FRMD5: variants seen among roughly 807,000 people sequenced by gnomAD.
The protein encoded by FRMD5 is FERM domain-containing protein 5.
FRMD5 carries 20 observed loss-of-function variants against 69.0 expected under a neutral mutation model. That is an observed-to-expected ratio of 0.29 (90% CI 0.20 to 0.42). FRMD5 has a LOEUF of 0.42. Ranked by LOEUF, FRMD5 falls within the 10% of genes least tolerant of loss-of-function variation. The pLI, the probability that FRMD5 is intolerant of heterozygous loss-of-function variation, is 1.00. For synonymous variants in FRMD5, 271 were observed against 260.1 expected, an observed-to-expected ratio of 1.04 and a Z score of -0.40; for missense variants, 595 against 708.6, an observed-to-expected ratio of 0.84 and a Z score of 1.82.
In FRMD5 at chr15:44,056,296, G is replaced by GA. The variant is rs1162412525; in HGVS notation, c.103-131988dup. 2.0e-5 allele frequency among the ~76,000 whole-genome samples: 3 copies of GA among 152,034 alleles called. No homozygotes were observed. In the East Asian group the frequency reaches 5.8e-4, roughly 29 times the overall value. ...ACTAGCATACAAACAAACCAGGATA[G>GA]AAAAAATCTGAAGTAATATTTAAAT... On this transcript the variant is annotated intron_variant, in intron 1 of 13. Coordinates refer to ENST00000417257, the MANE Select transcript of FRMD5 (RefSeq NM_032892.5).
chr15:44,067,963 A>G (rs1183584498), intron 1 of FRMD5, among the ~76,000 whole-genome samples: 2 of 152,262 alleles, frequency 1.3e-5, no homozygotes, highest in Non-Finnish European at 2.9e-5. Flanking sequence ...CAAATGGCCA[A>G]TAAGCACATG....
chr15:44,122,595 A>G lies in FRMD5; in HGVS notation c.102+72358T>C, dbSNP rs993276416. On this transcript the variant is annotated intron_variant, in intron 1 of 13. Transcript: ENST00000417257. ...AACAAAACAAAACAAAACAAAAACA[A>G]AAGATAATGGCTGGGCATGGTGCTC... is the stretch of plus-strand genomic sequence containing the variant. Among the ~76,000 whole-genome samples, 13 of 151,998 alleles carry G rather than the reference A, an allele frequency of 8.6e-5. No individual in the cohort carries two copies. The South Asian group carries it at 2.7e-3, about 32-fold the overall frequency.
Position 43,884,721 on chromosome 15 carries a change from G to A in FRMD5, c.1028+6C>T, listed in dbSNP as rs992324334. ...ACTGTTTGGGGGGAAGCCCCTGGCA[G>A]CCTACCTGTGTATTTCCGGTGGCTC... On this transcript the variant is annotated splice_donor_region_variant and intron_variant, in intron 12 of 13. Coordinates refer to ENST00000417257, the MANE Select transcript of FRMD5 (RefSeq NM_032892.5). The A allele has an allele frequency of 1.2e-6, 2 of 1,613,392 alleles. No homozygotes were observed. Among genetic ancestry groups the A allele is most frequent in the East Asian group, 2.2e-5 (1 of 44,882 alleles).
rs546630568 is a variant in FRMD5 at position 43,876,618 on chromosome 15, G to T, written c.1136-2156C>A. On this transcript the variant is annotated intron_variant, in intron 13 of 13. Coordinates refer to ENST00000417257, the MANE Select transcript of FRMD5 (RefSeq NM_032892.5). Reference sequence around the variant, plus strand: ...TATCCTTGTAAAAACCCAGCATACAGCATCTTGAGCTTATAAGGTCAATAT... The same window carrying T: ...TATCCTTGTAAAAACCCAGCATACATCATCTTGAGCTTATAAGGTCAATAT... 1.3e-4 allele frequency among the ~76,000 whole-genome samples: 20 copies of T among 152,326 alleles called. No homozygotes were observed. The South Asian group carries it at 4.1e-3, about 32-fold the overall frequency.
chr15:44,181,031 A>G (rs2077991222), intron 1 of FRMD5, among the ~76,000 whole-genome samples: 1 of 152,046 alleles, frequency 6.6e-6, no homozygotes, highest in Non-Finnish European at 1.5e-5. Flanking sequence ...GGTTAGAAAA[A>G]CTAATTTAAT....
chr15:43,877,081 T>C (rs933992396), intron 13 of FRMD5, among the ~76,000 whole-genome samples: 10 of 152,170 alleles, frequency 6.6e-5, no homozygotes, highest in African/African-American at 2.4e-4. Flanking sequence ...CCCATCACAG[T>C]GCTCCCAAGG....
intron 1 of FRMD5, among the ~76,000 whole-genome samples, chr15:44,162,970 C>A (rs1354061036): frequency 6.6e-6 from 1 of 151,010 alleles, no homozygotes; most frequent in African/African-American, 2.4e-5. Flanking sequence ...ATCAGGAGAT[C>A]GAGACCATCC....
At chr15:44,188,580 C>T (rs142726930) in intron 1 of FRMD5, among the ~76,000 whole-genome samples, 29 of 152,240 alleles carry the variant, frequency 1.9e-4, no homozygotes, top group African/African-American at 7.0e-4. Flanking sequence ...CAAGAATTTG[C>T]ATTTCTAACA....
At chr15:44,174,987 G>A (rs1341499762) in intron 1 of FRMD5, among the ~76,000 whole-genome samples, 2 of 152,122 alleles carry the variant, frequency 1.3e-5, no homozygotes, top group Non-Finnish European at 2.9e-5. Context: ...CAGGTTGATA[G>A]GTGCAGCAAA....
At chr15:44,099,843 A>T (rs1429871871) in intron 1 of FRMD5, among the ~76,000 whole-genome samples, 1 of 152,142 alleles carries the variant, frequency 6.6e-6, no homozygotes, top group Non-Finnish European at 1.5e-5. Flanking sequence ...ATAGAGTTGC[A>T]AAGAATTCCA....
chr15:44,062,510 G>T (rs1047665588), intron 1 of FRMD5, among the ~76,000 whole-genome samples: 51 of 152,142 alleles, frequency 3.4e-4, no homozygotes, highest in Middle Eastern at 3.4e-3. Context: ...GGCCAACATG[G>T]TGAAACCCCG....
chr15:44,020,780 C>T (rs1181901249), intron 1 of FRMD5, among the ~76,000 whole-genome samples: 1 of 152,080 alleles, frequency 6.6e-6, no homozygotes, highest in Non-Finnish European at 1.5e-5. Context: ...ATAAATCAAG[C>T]CCTGATTTGT....
At chr15:44,168,757 T>C (rs987240358) in intron 1 of FRMD5, among the ~76,000 whole-genome samples, 6 of 152,218 alleles carry the variant, frequency 3.9e-5, no homozygotes, top group East Asian at 1.9e-4. Context: ...TCATTTTTGA[T>C]TGTCCAGATT....
rs565531823 is a variant in FRMD5 at position 43,931,416 on chromosome 15, C to T, written c.103-7107G>A. On this transcript the variant is annotated intron_variant, in intron 1 of 13. Transcript: ENST00000417257. ...CTTCTCTTTCTCTCTCACACTTATACCCCCCGATCCCCACTCCCAACACAC... is the reference window on the plus strand; with the variant it reads ...CTTCTCTTTCTCTCTCACACTTATATCCCCCGATCCCCACTCCCAACACAC... Among the ~76,000 whole-genome samples the T allele has an allele frequency of 1.2e-4, 19 of 152,072 alleles. No homozygotes were observed. In the East Asian group the frequency reaches 2.7e-3, roughly 22 times the overall value.
chr15:44,104,677 G>A (rs1002839420), intron 1 of FRMD5, among the ~76,000 whole-genome samples: 2 of 152,158 alleles, frequency 1.3e-5, no homozygotes, highest in Admixed American at 1.3e-4. Context: ...TGTAGCCTAA[G>A]AGCAATAGGC....
At chr15:44,083,777 CAT>C (rs1214105533) in intron 1 of FRMD5, among the ~76,000 whole-genome samples, 1 of 151,972 alleles carries the variant, frequency 6.6e-6, no homozygotes, top group East Asian at 1.9e-4. Context: ...AGAGAAAAGA[CAT>C]AAAGACATAC....
At chr15:44,158,765 T>C (rs1258811250) in intron 1 of FRMD5, among the ~76,000 whole-genome samples, 3 of 152,218 alleles carry the variant, frequency 2.0e-5, no homozygotes, top group Non-Finnish European at 2.9e-5. Context: ...AAGAGCTAAT[T>C]TGCATAGCTG....
intron 1 of FRMD5, among the ~76,000 whole-genome samples, chr15:44,132,731 C>CATGA (rs1356851069): frequency 6.0e-5 from 8 of 132,642 alleles, no homozygotes; most frequent in Non-Finnish European, 1.3e-4. Flanking sequence ...GCCTGGACAT[C>CATGA]ATGAATGTAT....
intron 1 of FRMD5, among the ~76,000 whole-genome samples, chr15:44,156,870 C>T (rs2077536937): frequency 6.6e-6 from 1 of 152,050 alleles, no homozygotes; most frequent in South Asian, 2.1e-4. Context: ...AGTTCATGAC[C>T]AGCCTGAGCA....
Sources: gnomAD v4.1 joint callset for allele counts (sites outside exome capture counted in the v4.1 genomes callset) on GRCh38, gnomAD v4.1.1 for gene constraint, MANE v1.5 for transcripts, NCBI Gene and HGNC (gene_info 2026-07-23, HGNC 2026-07-21) for gene names.